The following SCFD2 variants were observed in gnomAD, a reference collection of about 807,000 sequenced individuals.
The protein encoded by SCFD2 is sec1 family domain-containing protein 2.
SCFD2 carries 54 observed loss-of-function variants against 58.9 expected under a neutral mutation model. The ratio of observed to expected loss-of-function variants is 0.92; its 90% CI spans 0.74 to 1.15. The LOEUF (loss-of-function observed/expected upper bound fraction) is 1.15, where lower values mean the gene tolerates loss of function less well. SCFD2 is among the 50% of genes most tolerant of loss of function. The pLI, the probability that SCFD2 is intolerant of heterozygous loss-of-function variation, is 0.00. For missense variants in SCFD2, 805 were observed against 836.6 expected, an observed-to-expected ratio of 0.96 and a Z score of 0.47; for synonymous variants, 321 against 335.9, an observed-to-expected ratio of 0.96 and a Z score of 0.49.
chr4:52,908,658 C>T (rs1577818518), intron 6 of SCFD2, among the ~76,000 whole-genome samples: 1 of 152,046 alleles, frequency 6.6e-6, no homozygotes, highest in East Asian at 1.9e-4. Context: ...TCTTGCTTTT[C>T]TTCCAGTCAT....
intron 4 of SCFD2, among the ~76,000 whole-genome samples, chr4:53,180,452 A>G (rs1577810829): frequency 6.6e-6 from 1 of 152,318 alleles, no homozygotes; most frequent in Admixed American, 6.5e-5. Flanking sequence ...TTTGAAACCA[A>G]CGAGAACAAA....
intron 4 of SCFD2, among the ~76,000 whole-genome samples, chr4:53,224,463 G>C (rs1455748484): frequency 6.6e-6 from 1 of 151,808 alleles, no homozygotes; most frequent in African/African-American, 2.4e-5. Context: ...CTTAACTTCT[G>C]TGTAAGAAGT....
At chr4:53,055,454 C>A (rs916257220) in intron 5 of SCFD2, among the ~76,000 whole-genome samples, 2 of 152,108 alleles carry the variant, frequency 1.3e-5, no homozygotes, top group African/African-American at 4.8e-5. Context: ...GGAAATGATG[C>A]CTGGGAGTCC....
intron 3 of SCFD2, among the ~76,000 whole-genome samples, chr4:53,275,693 G>A (rs1196071553): frequency 1.3e-5 from 2 of 152,080 alleles, no homozygotes; most frequent in Admixed American, 1.3e-4. Context: ...CAGCCCTGTT[G>A]GTTGATGAAC....
At chr4:53,234,182 A>T (rs571347879) in intron 4 of SCFD2, among the ~76,000 whole-genome samples, 1 of 152,354 alleles carries the variant, frequency 6.6e-6, no homozygotes, top group Non-Finnish European at 1.5e-5. Context: ...TCCAAAAAAA[A>T]ATATTTGTTT....
chr4:52,895,568 T>C (rs1321467263), intron 7 of SCFD2, among the ~76,000 whole-genome samples: 1 of 152,214 alleles, frequency 6.6e-6, no homozygotes, highest in Non-Finnish European at 1.5e-5. Flanking sequence ...ATCCAGTCTA[T>C]CATTGTTGGA....
intron 3 of SCFD2, among the ~76,000 whole-genome samples, chr4:53,308,091 T>A (rs1159643872): frequency 6.6e-6 from 1 of 152,196 alleles, no homozygotes; most frequent in Non-Finnish European, 1.5e-5. Flanking sequence ...GGCACAGTAA[T>A]CCTGGAAAAG....
intron 3 of SCFD2, among the ~76,000 whole-genome samples, chr4:53,296,680 C>A (rs1001240349): frequency 6.6e-6 from 1 of 152,090 alleles, no homozygotes; most frequent in Non-Finnish European, 1.5e-5. Context: ...CTTCTGCTAG[C>A]CTTTGAATTT....
chr4:52,916,401 C>G (rs996913807), intron 6 of SCFD2, among the ~76,000 whole-genome samples: 14 of 152,220 alleles, frequency 9.2e-5, no homozygotes, highest in African/African-American at 3.4e-4. Flanking sequence ...GAAACCCTGT[C>G]TCTACTAAAA....
chr4:53,197,701 C>A (rs1276689795), intron 4 of SCFD2, among the ~76,000 whole-genome samples: 1 of 121,046 alleles, frequency 8.3e-6, no homozygotes, highest in African/African-American at 3.2e-5. Context: ...TCTCCAATTG[C>A]AAATATCCAG....
At chr4:53,039,788 C>G (rs1722850660) in intron 5 of SCFD2, among the ~76,000 whole-genome samples, 1 of 152,076 alleles carries the variant, frequency 6.6e-6, no homozygotes, top group African/African-American at 2.4e-5. Context: ...GAAGTTGGAG[C>G]TCAGTGACAT....
chr4:53,096,249 G>A (rs1297890247), intron 5 of SCFD2, among the ~76,000 whole-genome samples: 1 of 152,128 alleles, frequency 6.6e-6, no homozygotes, highest in African/African-American at 2.4e-5. Context: ...GGGATGGCTG[G>A]GTCAAATGGT....
intron 5 of SCFD2, among the ~76,000 whole-genome samples, chr4:53,045,184 AT>A (rs1266765894): frequency 2.0e-5 from 3 of 152,060 alleles, no homozygotes; most frequent in Non-Finnish European, 2.9e-5. Flanking sequence ...CATTTATAGG[AT>A]TTTACTGTTT....
intron 5 of SCFD2, among the ~76,000 whole-genome samples, chr4:53,050,793 C>T (rs1373258820): frequency 6.6e-6 from 1 of 152,142 alleles, no homozygotes; most frequent in Non-Finnish European, 1.5e-5. Flanking sequence ...CTGGCTCCTG[C>T]CTCTCTTCTC....
At chr4:53,020,571 C>G (rs1722322553) in intron 5 of SCFD2, among the ~76,000 whole-genome samples, 1 of 152,092 alleles carries the variant, frequency 6.6e-6, no homozygotes, top group Non-Finnish European at 1.5e-5. Flanking sequence ...CTCCCATGAC[C>G]CTATGCCTGA....
At position 53,338,575 on chromosome 4, in the gene SCFD2, C is replaced by CT. The variant is rs56263068; in HGVS notation, c.1007+14022dup. Among the ~76,000 whole-genome samples the CT allele has an allele frequency of 5.3e-3, 383 of 72,272 alleles. 60 individuals are homozygous for CT. Among genetic ancestry groups the CT allele is most frequent in the African/African-American group, 0.018 (359 of 19,606 alleles). 47.4% of individuals were successfully genotyped at this position (72,272 alleles called of 152,430 possible). A position where few individuals can be genotyped will look rare whatever the true frequency, so the allele number is the denominator to read the frequency against. ...GGCCAAAAGAAAGCAGTATATTTTT[C>CT]TTTTTTTTTTTTTTTTTTTTTGTGA... On this transcript the variant is annotated intron_variant, in intron 2 of 8. Transcript: ENST00000401642.
chr4:52,934,396 G>C (rs149884785), intron 5 of SCFD2, among the ~76,000 whole-genome samples: 1 of 152,318 alleles, frequency 6.6e-6, no homozygotes, highest in Non-Finnish European at 1.5e-5. Flanking sequence ...GCATCCAGGA[G>C]GTGGTCAATA....
chr4:52,896,109 G>T (rs552668728), intron 7 of SCFD2, among the ~76,000 whole-genome samples: 1 of 152,054 alleles, frequency 6.6e-6, no homozygotes, highest in Non-Finnish European at 1.5e-5. Flanking sequence ...CCATTCTGTA[G>T]GTTGCCTGTT....
chr4:53,073,320 C>A (rs147553697), intron 5 of SCFD2, among the ~76,000 whole-genome samples: 4 of 152,216 alleles, frequency 2.6e-5, no homozygotes, highest in African/African-American at 9.6e-5. Context: ...GGTCCTGGAA[C>A]CAATTCCTGA....
Sources: gnomAD v4.1 joint callset for allele counts (sites outside exome capture counted in the v4.1 genomes callset) on GRCh38, gnomAD v4.1.1 for gene constraint, MANE v1.5 for transcripts, NCBI Gene and HGNC (gene_info 2026-07-23, HGNC 2026-07-21) for gene names.